The following NXPE2 variants were observed in gnomAD, a reference collection of about 807,000 sequenced individuals.
NXPE2 encodes the protein neurexophilin and PC-esterase domain family member 2.
In NXPE2, 34 loss-of-function variants were observed where a neutral mutation model predicts 34.4. The observed-to-expected ratio is 0.99, with a 90% CI of 0.75 to 1.31. The LOEUF (loss-of-function observed/expected upper bound fraction) is 1.31. Among genes scored for constraint, NXPE2 ranks in the 40% most tolerant of loss-of-function variants. NXPE2 has a pLI of 0.00. For missense variants in NXPE2, 649 were observed against 672.5 expected (o/e 0.97, Z 0.39); for synonymous variants, 235 against 231.3 (o/e 1.02, Z -0.15).
At chr11:114,542,895 T>A in the NXPE2 span, among the ~76,000 whole-genome samples, 3 of 152,156 alleles carry the variant, frequency 2.0e-5, no homozygotes, top group Non-Finnish European at 2.9e-5. Flanking sequence ...CAAAACAATA[T>A]GTCATACTGA....
chr11:114,764,124 A>T, the NXPE2 span, among the ~76,000 whole-genome samples: 1 of 151,862 alleles, frequency 6.6e-6, no homozygotes, highest in Non-Finnish European at 1.5e-5. Context: ...GGCTACTCGA[A>T]CTCTTCCCAC....
At chr11:114,701,962 A>C (rs191055692) in intron 3 of NXPE2, among the ~76,000 whole-genome samples, 1 of 152,288 alleles carries the variant, frequency 6.6e-6, no homozygotes, top group East Asian at 1.9e-4. Context: ...GGGGTCCTGG[A>C]ACCAATCTCC....
chr11:114,471,598 CAT>C, the NXPE2 span, among the ~76,000 whole-genome samples: 1 of 152,104 alleles, frequency 6.6e-6, no homozygotes, highest in Non-Finnish European at 1.5e-5. Flanking sequence ...CAACAAGAAG[CAT>C]AGAAAACCTC....
the NXPE2 span, among the ~76,000 whole-genome samples, chr11:114,732,295 C>T: frequency 2.0e-4 from 30 of 152,226 alleles, 1 homozygote; most frequent in East Asian, 5.0e-3. Context: ...TTTGTCTTTC[C>T]AATAATTTTG....
the NXPE2 span, among the ~76,000 whole-genome samples, chr11:114,610,100 G>T: frequency 6.6e-6 from 1 of 151,728 alleles, no homozygotes; most frequent in Non-Finnish European, 1.5e-5. Flanking sequence ...TGAATAATAA[G>T]TGTTGTCTTG....
the NXPE2 span, chr11:114,580,025 T>C: frequency 1.0e-6 from 1 of 987,802 alleles, no homozygotes; most frequent in South Asian, 1.5e-5. Context: ...TGTGTTGTGA[T>C]TGAAGAATAT....
At chr11:114,639,852 A>ATGT in the NXPE2 span, among the ~76,000 whole-genome samples, 1 of 97,192 alleles carries the variant, frequency 1.0e-5, no homozygotes, top group Non-Finnish European at 1.8e-5. Context: ...ATAAAATATA[A>ATGT]TATATATTAT....
At chr11:114,568,210 T>G in the NXPE2 span, among the ~76,000 whole-genome samples, 1 of 152,140 alleles carries the variant, frequency 6.6e-6, no homozygotes, top group Non-Finnish European at 1.5e-5. Flanking sequence ...TTAAAAAAAA[T>G]CTCTGGGTCA....
the NXPE2 span, among the ~76,000 whole-genome samples, chr11:114,515,349 A>C: frequency 1.1e-3 from 162 of 152,338 alleles, 3 homozygotes; most frequent in East Asian, 0.027. Flanking sequence ...AGTAATGTAC[A>C]AGATCTAGAG....
the NXPE2 span, among the ~76,000 whole-genome samples, chr11:114,621,790 C>T: frequency 6.6e-6 from 1 of 150,964 alleles, no homozygotes; most frequent in Non-Finnish European, 1.5e-5. Flanking sequence ...CTGTTACCCA[C>T]TGGATAATAA....
the NXPE2 span, among the ~76,000 whole-genome samples, chr11:114,770,515 A>G: frequency 1.3e-5 from 2 of 152,256 alleles, no homozygotes; most frequent in Non-Finnish European, 2.9e-5. Flanking sequence ...CATTTAGCAC[A>G]TACGTAAATT....
chr11:114,687,302 C>T lies in NXPE2; in HGVS notation c.132+7540C>T, dbSNP rs543008339. Among the ~76,000 whole-genome samples the T allele has an allele frequency of 4.0e-5, 6 of 151,854 alleles. No individual in the cohort carries two copies. In the South Asian group the frequency reaches 6.2e-4, roughly 16 times the overall value. On this transcript the variant is annotated intron_variant, in intron 2 of 5. Coordinates refer to ENST00000389586, the MANE Select transcript of NXPE2 (RefSeq NM_182495.6). ...GTTAATTTTTCTATATGTTAAGAGGCGGGGGTCCAGTTTTATTCTTCTGCA... is the reference window on the plus strand; with the variant it reads ...GTTAATTTTTCTATATGTTAAGAGGTGGGGGTCCAGTTTTATTCTTCTGCA...
At chr11:114,677,172 CAGGA>C (rs1950868192), upstream of NXPE2, among the ~76,000 whole-genome samples, 2 of 151,990 alleles carry the variant, frequency 1.3e-5, no homozygotes, top group Non-Finnish European at 2.9e-5. Flanking sequence ...TTACTTTACA[CAGGA>C]TGAATAAGTT....
chr11:114,524,124 C>T, the NXPE2 span, among the ~76,000 whole-genome samples: 3 of 152,064 alleles, frequency 2.0e-5, no homozygotes, highest in East Asian at 1.9e-4. Flanking sequence ...ATCTAAAGTT[C>T]GGCTAGTAGT....
chr11:114,664,841 G>A, the NXPE2 span, among the ~76,000 whole-genome samples: 4 of 152,100 alleles, frequency 2.6e-5, no homozygotes, highest in Non-Finnish European at 4.4e-5. Flanking sequence ...CAATCACAAG[G>A]GTAAACAACC....
the NXPE2 span, among the ~76,000 whole-genome samples, chr11:114,729,942 A>G: frequency 2.1e-3 from 317 of 152,076 alleles, 5 homozygotes; most frequent in Admixed American, 0.018. Flanking sequence ...TTTTTGTTGT[A>G]ATTGCTTTTG....
intron 3 of NXPE2, among the ~76,000 whole-genome samples, chr11:114,700,529 G>T (rs1240209781): frequency 1.3e-5 from 2 of 152,134 alleles, no homozygotes; most frequent in Non-Finnish European, 2.9e-5. Context: ...CGCGGGAAGT[G>T]AGGGAGAGAG....
At chr11:114,747,538 G>C in the NXPE2 span, among the ~76,000 whole-genome samples, 1 of 152,066 alleles carries the variant, frequency 6.6e-6, no homozygotes, top group African/African-American at 2.4e-5. Flanking sequence ...GGTCTGCATG[G>C]CTGGGGAAGC....
the NXPE2 span, among the ~76,000 whole-genome samples, chr11:114,768,382 T>A: frequency 5.3e-5 from 8 of 152,232 alleles, no homozygotes; most frequent in African/African-American, 1.9e-4. Flanking sequence ...TAGGATTGTC[T>A]TGGCTATACA....
Sources: allele counts gnomAD v4.1 joint callset (sites outside exome capture counted in the v4.1 genomes callset), GRCh38; gene constraint gnomAD v4.1.1; transcripts MANE v1.5; gene names NCBI Gene and HGNC (gene_info 2026-07-23, HGNC 2026-07-21).